The following NKAIN3 variants were observed in gnomAD, a reference collection of about 807,000 sequenced individuals.
NKAIN3 encodes sodium/potassium transporting ATPase interacting 3, also known as sodium/potassium-transporting ATPase subunit beta-1-interacting protein 3.
A neutral mutation model predicts 30.2 loss-of-function variants in NKAIN3; 25 were observed. The ratio of observed to expected loss-of-function variants is 0.83; its 90% CI spans 0.60 to 1.16. NKAIN3 has a LOEUF of 1.16. Ranked by LOEUF, NKAIN3 falls within the 50% of genes most tolerant of loss-of-function variation. NKAIN3 has a pLI of 0.00. For synonymous variants in NKAIN3, 91 were observed against 89.6 expected (o/e 1.02, Z -0.09); for missense variants, 225 against 254.1 (o/e 0.89, Z 0.78).
intron 6 of NKAIN3, among the ~76,000 whole-genome samples, chr8:62,954,477 A>G (rs1328158650): frequency 6.6e-6 from 1 of 152,178 alleles, no homozygotes; most frequent in Non-Finnish European, 1.5e-5. Context: ...TCTTCCCAGT[A>G]CTCAAACATT....
intron 4 of NKAIN3, among the ~76,000 whole-genome samples, chr8:62,878,976 G>A (rs1820887504): frequency 1.3e-5 from 2 of 152,132 alleles, no homozygotes; most frequent in Non-Finnish European, 2.9e-5. Context: ...AAACATACGT[G>A]TGCATGTGTC....
chr8:62,499,539 G>T (rs991298793), intron 1 of NKAIN3, among the ~76,000 whole-genome samples: 12 of 152,056 alleles, frequency 7.9e-5, no homozygotes, highest in African/African-American at 2.9e-4. Flanking sequence ...TTTTATTTGT[G>T]TCAATTTAGA....
In NKAIN3 at chr8:62,440,111, G is replaced by T. The variant is rs116189782; in HGVS notation, c.55-139428G>T. Among the ~76,000 whole-genome samples, 642 of 152,134 alleles carry T rather than the reference G, an allele frequency of 4.2e-3. 3 individuals carry two copies. Among genetic ancestry groups the T allele is most frequent in the African/African-American group, 0.015 (619 of 41,514 alleles). On this transcript the variant is annotated intron_variant, in intron 1 of 6. Transcript: ENST00000623646. ...TATTTACTCCTTTTTGCAATTCCAA[G>T]GTTGGGTAGTTTTGAATTAGGAAAA...
intron 4 of NKAIN3, among the ~76,000 whole-genome samples, chr8:62,906,048 G>GT (rs1225318401): frequency 6.6e-6 from 1 of 152,182 alleles, no homozygotes; most frequent in Non-Finnish European, 1.5e-5. Flanking sequence ...ACCTTACTGT[G>GT]AAAACAGCAC....
intron 1 of NKAIN3, among the ~76,000 whole-genome samples, chr8:62,432,367 T>G (rs1281118140): frequency 2.0e-5 from 3 of 152,066 alleles, no homozygotes; most frequent in Non-Finnish European, 4.4e-5. Flanking sequence ...TGCATCTCTT[T>G]CAGCCAAAAT....
intron 1 of NKAIN3, among the ~76,000 whole-genome samples, chr8:62,518,115 C>G (rs2129770534): frequency 6.6e-6 from 1 of 152,262 alleles, no homozygotes; most frequent in East Asian, 1.9e-4. Context: ...AATCCCAGTG[C>G]TTTGGAAGGC....
At chr8:62,585,583 G>A (rs755987773) in intron 2 of NKAIN3, among the ~76,000 whole-genome samples, 1 of 152,084 alleles carries the variant, frequency 6.6e-6, no homozygotes, top group South Asian at 2.1e-4. Context: ...GCATTAGTTA[G>A]ATTGTCATAA....
intron 4 of NKAIN3, among the ~76,000 whole-genome samples, chr8:62,916,837 C>T (rs1221395448): frequency 2.0e-5 from 3 of 152,078 alleles, no homozygotes; most frequent in Admixed American, 2.0e-4. Flanking sequence ...GTTAGCATGA[C>T]GGGTTCCATT....
intron 1 of NKAIN3, 134 bp downstream of exon 1, chr8:62,249,261 TC>T: frequency 4.0e-6 from 3 of 741,622 alleles, no homozygotes; most frequent in Non-Finnish European, 6.2e-6. Context: ...CCTCCCACCC[TC>T]CCCACCGCCT....
intron 1 of NKAIN3, among the ~76,000 whole-genome samples, chr8:62,536,586 C>T (rs1019231503): frequency 9.2e-5 from 14 of 151,934 alleles, no homozygotes; most frequent in African/African-American, 3.4e-4. Context: ...GGGGACACAT[C>T]TAGTAAGGCC....
chr8:62,562,746 G>T (rs932351980), intron 1 of NKAIN3, among the ~76,000 whole-genome samples: 5 of 151,988 alleles, frequency 3.3e-5, no homozygotes, highest in East Asian at 3.9e-4. Context: ...CGTACAAGGG[G>T]TTTTTTTCTA....
At chr8:62,942,684 C>T (rs1022560039) in intron 5 of NKAIN3, among the ~76,000 whole-genome samples, 1 of 151,996 alleles carries the variant, frequency 6.6e-6, no homozygotes, top group East Asian at 1.9e-4. Context: ...AAAATAGGCA[C>T]ATAGACCAAT....
intron 1 of NKAIN3, among the ~76,000 whole-genome samples, chr8:62,298,868 T>C (rs1267410741): frequency 6.7e-6 from 1 of 148,806 alleles, no homozygotes; most frequent in Non-Finnish European, 1.5e-5. Context: ...GAATCAATAA[T>C]ATTAATATAT....
At chr8:62,811,387 A>G (rs55859150) in intron 4 of NKAIN3, among the ~76,000 whole-genome samples, 26,399 of 152,034 alleles carry the variant, frequency 0.17, 2,483 homozygotes, top group East Asian at 0.29. Flanking sequence ...TAAATGCTTA[A>G]AAGTGTAATT....
At chr8:62,902,966 A>G (rs1374533185) in intron 4 of NKAIN3, among the ~76,000 whole-genome samples, 1 of 152,184 alleles carries the variant, frequency 6.6e-6, no homozygotes, top group Admixed American at 6.5e-5. Flanking sequence ...GTCCTCCATG[A>G]TATTGCTGAG....
chr8:62,601,737 G>A (rs1810989616), intron 3 of NKAIN3, among the ~76,000 whole-genome samples: 1 of 151,996 alleles, frequency 6.6e-6, no homozygotes. Context: ...GCCTGAAAAT[G>A]TTTATTGTTA....
At chr8:62,783,756 G>T (rs907036352) in intron 4 of NKAIN3, among the ~76,000 whole-genome samples, 7 of 151,926 alleles carry the variant, frequency 4.6e-5, no homozygotes, top group African/African-American at 7.2e-5. Context: ...GACTACAAGG[G>T]AGACTCCAGC....
At position 62,971,034 on chromosome 8, in the gene NKAIN3, C is replaced by T. The variant is rs7834588; in HGVS notation, c.*5627C>T. Among the ~76,000 whole-genome samples, 58,010 of 151,214 alleles carry T rather than the reference C, an allele frequency of 0.38. 11,331 individuals carry two copies. Among genetic ancestry groups the T allele is most frequent in the South Asian group, 0.48 (2,267 of 4,762 alleles). ...ATTCTGGAGACAGTCAGCAAAGAGC[C>T]GGATGTGATTTCCCTAGAGACAAGG... On this transcript the variant is annotated 3_prime_UTR_variant, in exon 7 of 7. Transcript: ENST00000623646.
rs568556921 is a variant in NKAIN3 at position 62,858,747 on chromosome 8, A to C, written c.472-59706A>C. 1.1e-4 allele frequency among the ~76,000 whole-genome samples: 17 copies of C among 152,332 alleles called. No homozygotes were observed. In the East Asian group the frequency reaches 2.9e-3, roughly 26 times the overall value. On this transcript the variant is annotated intron_variant, in intron 4 of 6. Transcript: ENST00000623646. ...GAGTCAACCAAACAGCAGAGATGGC[A>C]GCCTGCCCCTCCCCTCAGGGCCCCA...
Sources: allele counts gnomAD v4.1 joint callset (sites outside exome capture counted in the v4.1 genomes callset), GRCh38; gene constraint gnomAD v4.1.1; transcripts MANE v1.5; gene names NCBI Gene and HGNC (gene_info 2026-07-23, HGNC 2026-07-21).